Variants in PCDH15 observed in about 807,000 individuals in gnomAD.
PCDH15 encodes protocadherin related 15, also known as protocadherin-15.
Under a neutral mutation model 178.5 loss-of-function variants are expected in PCDH15, and 129 were observed. The ratio of observed to expected loss-of-function variants is 0.72; its 90% confidence interval spans 0.63 to 0.84. The LOEUF is 0.84. Among genes scored for constraint, PCDH15 ranks in the 40% least tolerant of loss-of-function variants. The pLI, the probability that PCDH15 is intolerant of heterozygous loss-of-function variation, is 0.00. For synonymous variants in PCDH15, 800 were observed against 732.0 expected (o/e 1.09, Z -1.50); for missense variants, 2,230 against 2,099.9 (o/e 1.06, Z -1.21).
At chr10:53,825,256 C>T (rs540769961) in intron 32 of PCDH15, 5 of 1,248,280 alleles carry the variant, frequency 4.0e-6, no homozygotes, top group East Asian at 2.9e-5. Context: ...TAAACAAACA[C>T]TTAGTACGTA....
chr10:55,570,544 CA>C (rs1274414879), intron 2 of PCDH15, among the ~76,000 whole-genome samples: 4 of 151,844 alleles, frequency 2.6e-5, no homozygotes, highest in Non-Finnish European at 1.5e-5. Flanking sequence ...TCTGAAATTA[CA>C]GTGTCAGTCA....
At chr10:53,982,428 C>T (rs900769985) in intron 21 of PCDH15, among the ~76,000 whole-genome samples, 191 of 152,070 alleles carry the variant, frequency 1.3e-3, no homozygotes, top group Admixed American at 2.4e-3. Flanking sequence ...CCCAAATGTC[C>T]AACAATGATA....
intron 18 of PCDH15, among the ~76,000 whole-genome samples, chr10:54,056,717 CT>C (rs2093897189): frequency 6.6e-6 from 1 of 152,094 alleles, no homozygotes; most frequent in Non-Finnish European, 1.5e-5. Context: ...CCAATCATGC[CT>C]TCCAAAAGCC....
chr10:55,554,620 G>T (rs994838722), intron 2 of PCDH15, among the ~76,000 whole-genome samples: 2 of 151,932 alleles, frequency 1.3e-5, no homozygotes, highest in Non-Finnish European at 2.9e-5. Flanking sequence ...ACATATGGGG[G>T]GCCAAATATT....
Position 54,639,350 on chromosome 10 carries a change from A to T in PCDH15, c.91+24822T>A, listed in dbSNP as rs560506699. Reference sequence around the variant, plus strand: ...ATACATATTCTTTAGCCCTAGATATATAAAATCTTATTTGGTCAGAGAGTT... The same window carrying T: ...ATACATATTCTTTAGCCCTAGATATTTAAAATCTTATTTGGTCAGAGAGTT... On this transcript the variant is annotated intron_variant, in intron 2 of 37. Coordinates refer to ENST00000644397, the MANE Select transcript of PCDH15 (RefSeq NM_001384140.1). 5.3e-5 allele frequency among the ~76,000 whole-genome samples: 8 copies of T among 152,280 alleles called. No individual in the cohort carries two copies. In the East Asian group the frequency reaches 1.5e-3, roughly 29 times the overall value.
At position 55,217,427 on chromosome 10, in the gene PCDH15, G is replaced by A. The variant is rs183786784; in HGVS notation, c.-155-50776C>T. On this transcript the variant is annotated intron_variant, in intron 1 of 5. Coordinates refer to the PCDH15 transcript ENST00000458638. ...ATTCACAAATGCTTTAAAAACCTTC[G>A]TATTTTTATGTTTATATTTTCTATT... Among the ~76,000 whole-genome samples, 85 of 151,804 alleles carry A rather than the reference G, an allele frequency of 5.6e-4. 2 individuals carry two copies. The highest frequency in any genetic ancestry group is 2.0e-3 in the African/African-American group (82 of 41,416).
At chr10:55,192,888 ATC>A (rs888429651) in intron 1 of PCDH15, among the ~76,000 whole-genome samples, 5 of 151,360 alleles carry the variant, frequency 3.3e-5, no homozygotes, top group African/African-American at 4.9e-5. Context: ...TACATATATA[ATC>A]TGTTTATTGT....
At chr10:53,809,073 A>G (rs772165950) in intron 37 of PCDH15, 1 of 1,613,420 alleles carries the variant, frequency 6.2e-7, no homozygotes, top group Non-Finnish European at 8.5e-7. Context: ...TTGCAAGCAC[A>G]ATGTTTTTCC....
chr10:55,364,099 T>C (rs895766393), intron 2 of PCDH15, among the ~76,000 whole-genome samples: 1 of 152,082 alleles, frequency 6.6e-6, no homozygotes, highest in Non-Finnish European at 1.5e-5. Flanking sequence ...ATTGGTTTTA[T>C]AAGGGGCTCT....
At chr10:54,541,063 G>A (rs755234006) in intron 2 of PCDH15, among the ~76,000 whole-genome samples, 11 of 151,978 alleles carry the variant, frequency 7.2e-5, no homozygotes, top group African/African-American at 1.2e-4. Flanking sequence ...ACTAAATGTC[G>A]CAAAAGCTGG....
At chr10:54,394,738 C>A (rs1463403741) in intron 3 of PCDH15, among the ~76,000 whole-genome samples, 1 of 152,140 alleles carries the variant, frequency 6.6e-6, no homozygotes, top group Non-Finnish European at 1.5e-5. Flanking sequence ...CCTGGGAGCG[C>A]TATGGAAGAC....
At chr10:55,211,585 T>C (rs1840573413) in intron 1 of PCDH15, among the ~76,000 whole-genome samples, 1 of 152,116 alleles carries the variant, frequency 6.6e-6, no homozygotes, top group Non-Finnish European at 1.5e-5. Flanking sequence ...CTTCTGAATA[T>C]ATGACCTTGA....
intron 28 of PCDH15, among the ~76,000 whole-genome samples, chr10:53,855,571 G>GA (rs1300684761): frequency 2.6e-5 from 4 of 151,880 alleles, no homozygotes; most frequent in African/African-American, 4.8e-5. Flanking sequence ...TTTCTTATGG[G>GA]AAAATCACAT....
chr10:54,663,088 C>T (rs950223597), intron 2 of PCDH15, among the ~76,000 whole-genome samples: 2 of 151,996 alleles, frequency 1.3e-5, no homozygotes, highest in African/African-American at 4.8e-5. Context: ...AATTATTTTG[C>T]AAATCCCAAA....
intron 7 of PCDH15, among the ~76,000 whole-genome samples, chr10:54,325,198 C>T (rs7078666): frequency 0.66 from 99,851 of 151,700 alleles, 33,692 homozygotes; most frequent in Middle Eastern, 0.8. Flanking sequence ...CATGTAAACA[C>T]GGATAAAAAG....
Position 54,427,034 on chromosome 10 carries a change from G to A in PCDH15, c.158-48092C>T, listed in dbSNP as rs115042543. Among the ~76,000 whole-genome samples, 745 of 151,872 alleles carry A rather than the reference G, an allele frequency of 4.9e-3. 8 individuals carry two copies. Among genetic ancestry groups the A allele is most frequent in the African/African-American group, 0.017 (692 of 41,426 alleles). On this transcript the variant is annotated intron_variant, in intron 3 of 37. Transcript: ENST00000644397. ...TCTTTTAAAAGTTCCATGTTTTAAC[G>A]TTAATAACCATATCAAGATAAGGTT...
Position 54,082,320 on chromosome 10 carries a change from A to T in PCDH15, c.1998-2896T>A, listed in dbSNP as rs1353161466. ...CACAAACACTTGAGGCGTATAATAG[A>T]GTGCCAAAAACTTGCCAGGAAAGTC... is the stretch of plus-strand genomic sequence containing the variant. On this transcript the variant is annotated intron_variant, in intron 16 of 37. Transcript: ENST00000644397. Among the ~76,000 whole-genome samples, 3 of 152,204 alleles carry T rather than the reference A, an allele frequency of 2.0e-5. No individual in the cohort carries two copies. The East Asian group carries it at 5.8e-4, about 29-fold the overall frequency.
chr10:55,222,506 A>G (rs1468715092), intron 1 of PCDH15, among the ~76,000 whole-genome samples: 2 of 151,764 alleles, frequency 1.3e-5, no homozygotes, highest in African/African-American at 2.4e-5. Flanking sequence ...TTTTATTTTT[A>G]TTAACGTTGT....
chr10:54,533,398 G>A (rs1387990071), intron 2 of PCDH15, among the ~76,000 whole-genome samples: 6 of 152,090 alleles, frequency 3.9e-5, no homozygotes. Context: ...TAAGAAAGGT[G>A]TAGATAATTC....
Sources: allele counts gnomAD v4.1 joint callset (sites outside exome capture counted in the v4.1 genomes callset), GRCh38; gene constraint gnomAD v4.1.1; transcripts MANE v1.5; gene names NCBI Gene and HGNC (gene_info 2026-07-23, HGNC 2026-07-21).